The following FIG4 variants were observed in gnomAD, a reference collection of about 807,000 sequenced individuals.
FIG4 encodes the protein FIG4 phosphoinositide 5-phosphatase, also known as polyphosphoinositide phosphatase.
A neutral mutation model predicts 118.6 loss-of-function variants in FIG4; 112 were observed. That is an observed-to-expected ratio of 0.94 (90% CI 0.81 to 1.11). The LOEUF is 1.11. Among genes scored for constraint, FIG4 ranks in the 50% least tolerant of loss-of-function variants. The probability of loss-of-function intolerance (pLI) is 0.00; values close to 1 mark genes in which losing one functional copy is unlikely to be tolerated. For synonymous variants in FIG4, 369 were observed against 381.2 expected, an observed-to-expected ratio of 0.97 and a Z score of 0.37; for missense variants, 969 against 1,111.7, an observed-to-expected ratio of 0.87 and a Z score of 1.83.
chr6:109,726,773 C>G (rs538433327), intron 3 of FIG4, among the ~76,000 whole-genome samples: 1 of 152,128 alleles, frequency 6.6e-6, no homozygotes, highest in African/African-American at 2.4e-5. Flanking sequence ...TGTGTCCTCT[C>G]TTACTTCCTT....
intron 22 of FIG4, among the ~76,000 whole-genome samples, chr6:109,813,140 A>G (rs1778767173): frequency 6.6e-6 from 1 of 152,278 alleles, no homozygotes; most frequent in South Asian, 2.1e-4. Context: ...CTTTTAATTT[A>G]TATACATTTT....
intron 21 of FIG4, among the ~76,000 whole-genome samples, chr6:109,795,134 T>C (rs998397705): frequency 9.4e-6 from 1 of 106,078 alleles, no homozygotes; most frequent in Non-Finnish European, 1.8e-5. Context: ...TTTTTTTTTT[T>C]TGAGACGGAG....
chr6:109,795,592 GTCCTTTTTTTT>G (rs1327151532), intron 21 of FIG4, among the ~76,000 whole-genome samples: 18 of 78,598 alleles, frequency 2.3e-4, no homozygotes, highest in Non-Finnish European at 8.3e-5. Flanking sequence ...TTTGGTTTCA[GTCCTTTTTTTT>G]TTTTTTTTTT....
At chr6:109,817,417 A>ATAT (rs1778890722) in intron 22 of FIG4, among the ~76,000 whole-genome samples, 1 of 152,168 alleles carries the variant, frequency 6.6e-6, no homozygotes, top group Non-Finnish European at 1.5e-5. Context: ...AGCATATGGG[A>ATAT]GGGAAATTGT....
chr6:109,779,615 A>G (rs1006705948), intron 16 of FIG4, among the ~76,000 whole-genome samples: 1 of 152,150 alleles, frequency 6.6e-6, no homozygotes, highest in Non-Finnish European at 1.5e-5. Flanking sequence ...TCTGAAAACT[A>G]TTTTTTGGTG....
intron 12 of FIG4, among the ~76,000 whole-genome samples, chr6:109,763,199 C>A (rs1051575140): frequency 6.6e-6 from 1 of 152,196 alleles, no homozygotes. Flanking sequence ...CATATTATTT[C>A]TACAAACCAT....
chr6:109,814,723 T>C (rs1778813162), intron 22 of FIG4, among the ~76,000 whole-genome samples: 2 of 152,218 alleles, frequency 1.3e-5, no homozygotes, highest in African/African-American at 4.8e-5. Context: ...CTGTGTTCTT[T>C]GGATATGTCC....
chr6:109,820,065 G>A (rs749526798), intron 22 of FIG4, among the ~76,000 whole-genome samples: 13 of 152,180 alleles, frequency 8.5e-5, no homozygotes, highest in Non-Finnish European at 1.8e-4. Context: ...AGAGGGGCAT[G>A]CCCTACCTAT....
chr6:109,791,661 G>A, intron 20 of FIG4, 90 bp downstream of exon 20: 1 of 1,118,882 alleles, frequency 8.9e-7, no homozygotes, highest in Non-Finnish European at 1.3e-6. Flanking sequence ...CTGAGAGCAA[G>A]AAAATGTCAC....
At chr6:109,758,824 T>G (rs996356217) in intron 10 of FIG4, among the ~76,000 whole-genome samples, 1 of 152,182 alleles carries the variant, frequency 6.6e-6, no homozygotes, top group Non-Finnish European at 1.5e-5. Context: ...AGGACACATT[T>G]ATATGTGGCC....
intron 15 of FIG4, among the ~76,000 whole-genome samples, chr6:109,776,526 C>G (rs1003363799): frequency 6.6e-6 from 1 of 152,086 alleles, no homozygotes; most frequent in Admixed American, 6.5e-5. Context: ...GAAGTCTCTG[C>G]TTGTCTTTGC....
chr6:109,752,405 A>T (rs1168409147), intron 10 of FIG4, among the ~76,000 whole-genome samples: 1 of 151,658 alleles, frequency 6.6e-6, no homozygotes, highest in African/African-American at 2.4e-5. Context: ...ATCCCTGAGG[A>T]ATCGCCACAG....
rs751848261 is a variant in FIG4 at position 109,762,172 on chromosome 6, T to C, written c.1353T>C (p.Pro451=). 3.7e-6 allele frequency: 6 copies of C among 1,611,702 alleles called. No individual in the cohort carries two copies. The East Asian group carries it at 1.3e-4, about 36-fold the overall frequency. ...AAACAGGTTTCTTTGTAAACCGCCC[T>C]GATTCTTACTGTAGCATTTTGCGGC... The part of the protein sequence containing the change: ...VKKTGFFVNR[P]DSYCSILRPD... Residue 451 remains proline (P), a synonymous_variant, in exon 12 of 23, where the codon CCT becomes CCC. Transcript: ENST00000230124.
chr6:109,715,077 G>A lies in FIG4; in HGVS notation c.67-1G>A, dbSNP rs768011609. The A allele has an allele frequency of 2.6e-6, 4 of 1,530,440 alleles. No individual in the cohort carries two copies. In the Admixed American group the frequency reaches 6.7e-5, roughly 26 times the overall value. 94.8% of individuals were successfully genotyped at this position (1,530,440 alleles called of 1,614,324 possible). A position where few individuals can be genotyped will look rare whatever the true frequency, so the allele number is the denominator to read the frequency against. Reference sequence around the variant, plus strand: ...CTAATGACATTCCTTTTTATTTATAGAGATACTTTCTAGTTGGGAGCAATA... The same window carrying A: ...CTAATGACATTCCTTTTTATTTATAAAGATACTTTCTAGTTGGGAGCAATA... On this transcript the variant is annotated splice_acceptor_variant, in intron 1 of 22. Transcript: ENST00000230124. LOFTEE classifies it high-confidence loss of function.
rs1339715160 is a variant in FIG4, at chr6:109,716,460, C to G, written c.181C>G (p.Gln61Glu). 6 of 1,613,556 alleles carry G rather than the reference C, an allele frequency of 3.7e-6. No individual in the cohort carries two copies. In the Admixed American group the frequency reaches 1.0e-4, roughly 27 times the overall value. Residue 61 changes from glutamine to glutamate, a missense_variant, in exon 3 of 23, where the codon CAA becomes GAA. Around this residue, in one of 3 missense-constraint regions of FIG4, gnomAD observed 393 missense variants for 409.4 expected, o/e 0.96. Transcript: ENST00000230124. ...TTATTCTTAGCATGTCTATACTCAA[C>G]AAGAAGTAAGGGAACTTCTTGGCCG... ...IIDDRHVYTQ[Q>E]EVRELLGRLD...
intron 18 of FIG4, among the ~76,000 whole-genome samples, chr6:109,788,867 C>T (rs541549789): frequency 5.0e-4 from 76 of 152,276 alleles, no homozygotes; most frequent in Non-Finnish European, 9.7e-4. Context: ...GGAACTGTTG[C>T]GTTTTTGGCA....
chr6:109,710,210 A>C (rs945176727), intron 1 of FIG4, among the ~76,000 whole-genome samples: 3 of 152,200 alleles, frequency 2.0e-5, no homozygotes, highest in Admixed American at 6.5e-5. Flanking sequence ...CTATTGAGAT[A>C]ATCATGTGAT....
intron 18 of FIG4, among the ~76,000 whole-genome samples, chr6:109,786,926 C>T (rs562633300): frequency 2.6e-5 from 4 of 152,236 alleles, no homozygotes; most frequent in East Asian, 3.9e-4. Context: ...ACACACGCCC[C>T]GCAAGTGCCT....
chr6:109,751,580 C>T (rs1375527986), intron 10 of FIG4, among the ~76,000 whole-genome samples: 1 of 152,136 alleles, frequency 6.6e-6, no homozygotes, highest in African/African-American at 2.4e-5. Context: ...TAACTATTGC[C>T]TCAGTTTCAT....
Sources: gnomAD v4.1 joint callset for allele counts (sites outside exome capture counted in the v4.1 genomes callset) on GRCh38, gnomAD v4.1.1 for gene constraint, gnomAD v4.1.1 regional missense constraint, MANE v1.5 for transcripts, NCBI Gene and HGNC (gene_info 2026-07-23, HGNC 2026-07-21) for gene names.